The following GALNT16 variants were observed in gnomAD, a reference collection of about 807,000 sequenced individuals.
GALNT16 encodes polypeptide N-acetylgalactosaminyltransferase 16.
A neutral mutation model predicts 76.1 loss-of-function variants in GALNT16; 40 were observed. The observed-to-expected ratio is 0.53, with a 90% CI of 0.41 to 0.68. GALNT16 has a LOEUF of 0.68. Among genes scored for constraint, GALNT16 ranks in the 30% least tolerant of loss-of-function variants. The pLI, the probability that GALNT16 is intolerant of heterozygous loss-of-function variation, is 0.00. For missense variants in GALNT16, 621 were observed against 731.9 expected (o/e 0.85, Z 1.75); for synonymous variants, 276 against 285.2 (o/e 0.97, Z 0.32).
In GALNT16 at chr14:69,275,519, CTA is replaced by C. The variant is rs560259128; in HGVS notation, c.177+15054_177+15055del. Among the ~76,000 whole-genome samples the C allele has an allele frequency of 6.2e-3, 943 of 152,302 alleles. 4 individuals are homozygous for C. Among genetic ancestry groups the C allele is most frequent in the Non-Finnish European group, 9.7e-3 (661 of 68,028 alleles). ...TTCCATATATCATCCTTGGGTGTGTCTATGTGTGTGTGTGCGCATGCGCACAT... is the reference window on the plus strand; with the variant it reads ...TTCCATATATCATCCTTGGGTGTGTCTGTGTGTGTGTGCGCATGCGCACAT... On this transcript the variant is annotated intron_variant, in intron 1 of 14. Transcript: ENST00000448469.
At chr14:69,315,900 T>C (rs71423353) in intron 1 of GALNT16, among the ~76,000 whole-genome samples, 342 of 152,314 alleles carry the variant, frequency 2.2e-3, no homozygotes, top group Non-Finnish European at 3.9e-3. Context: ...TCAGACAAGG[T>C]TTCTCCATGT....
intron 1 of GALNT16, among the ~76,000 whole-genome samples, chr14:69,315,855 C>A (rs1031039200): frequency 1.3e-4 from 20 of 152,072 alleles, no homozygotes; most frequent in African/African-American, 4.8e-4. Flanking sequence ...TACTTTACAT[C>A]TCTTGGTTCT....
chr14:69,341,574 C>T lies in GALNT16; in HGVS notation c.1188-107C>T, dbSNP rs563813250. On this transcript the variant is annotated intron_variant, in intron 11 of 14. Transcript: ENST00000448469. ...ATGGCAGGCTGGAAGTCTCCTGGTC[C>T]TTGCCTGCCTGAGATAGTTGGGGCT... is the stretch of plus-strand genomic sequence containing the variant. 1.8e-5 allele frequency: 13 copies of T among 722,262 alleles called. No homozygotes were observed. In the South Asian group the frequency reaches 1.9e-4, roughly 11 times the overall value. 44.7% of individuals were successfully genotyped at this position (722,262 alleles called of 1,614,324 possible).
chr14:69,382,033 C>A, the GALNT16 span, among the ~76,000 whole-genome samples: 7 of 152,170 alleles, frequency 4.6e-5, no homozygotes, highest in Non-Finnish European at 8.8e-5. Flanking sequence ...AAAAGTGAAG[C>A]AAGTTATTAG....
chr14:69,348,017 C>T lies in GALNT16; in HGVS notation c.1539+15C>T. On this transcript the variant is annotated intron_variant, in intron 14 of 14. Transcript: ENST00000448469. ...AAGGCAAGCAGGTGAGTCTCCTTGC[C>T]TCTGGCCCAGAGGCCCAGCAGCCCG... 3 of 1,613,888 alleles carry T rather than the reference C, an allele frequency of 1.9e-6. No individual in the cohort carries two copies. The highest frequency in any genetic ancestry group is 2.5e-6 in the Non-Finnish European group (3 of 1,179,890).
At position 69,261,723 on chromosome 14, in the gene GALNT16, T is replaced by A. The variant is rs2044276707; in HGVS notation, c.177+1256T>A. Reference sequence around the variant, plus strand: ...GGGAAGTTCATTGGAGAGTGTCCCCTCATATTCCCATCCTGCCCCAGATTC... The same window carrying A: ...GGGAAGTTCATTGGAGAGTGTCCCCACATATTCCCATCCTGCCCCAGATTC... On this transcript the variant is annotated intron_variant, in intron 1 of 14. Coordinates refer to ENST00000448469, the MANE Select transcript of GALNT16 (RefSeq NM_001168368.2). This position sits in a 1 kb window ranked among gnomAD's most constrained non-coding sequence, Gnocchi z 6.4. Among the ~76,000 whole-genome samples the A allele has an allele frequency of 6.6e-6, 1 of 152,004 alleles. No individual in the cohort carries two copies. The highest frequency in any genetic ancestry group is 6.5e-5 in the Admixed American group (1 of 15,272).
intron 1 of GALNT16, among the ~76,000 whole-genome samples, chr14:69,273,612 T>C (rs570160995): frequency 2.0e-5 from 3 of 152,366 alleles, no homozygotes; most frequent in African/African-American, 7.2e-5. Flanking sequence ...TCAGCCACTT[T>C]GAAGAAGCAG....
chr14:69,273,163 A>G (rs1462250455), intron 1 of GALNT16, among the ~76,000 whole-genome samples: 1 of 152,250 alleles, frequency 6.6e-6, no homozygotes, highest in Non-Finnish European at 1.5e-5. Flanking sequence ...ATTAAAAACA[A>G]GGTCAATATT....
intron 1 of GALNT16, among the ~76,000 whole-genome samples, chr14:69,284,780 C>G (rs2044588317): frequency 6.6e-6 from 1 of 152,072 alleles, no homozygotes; most frequent in African/African-American, 2.4e-5. Context: ...TGGGAGGGAC[C>G]TGGTGGGAGG....
intron 1 of GALNT16, among the ~76,000 whole-genome samples, chr14:69,311,389 A>T (rs534751463): frequency 6.6e-6 from 1 of 152,198 alleles, no homozygotes; most frequent in Non-Finnish European, 1.5e-5. Context: ...AAAAGACCTT[A>T]CTTCTTAATA....
At chr14:69,367,498 T>C in the GALNT16 span, among the ~76,000 whole-genome samples, 1 of 152,020 alleles carries the variant, frequency 6.6e-6, no homozygotes, top group East Asian at 1.9e-4. Flanking sequence ...TCCTGGCACC[T>C]GATCTTGGAC....
chr14:69,304,295 A>T (rs2044900654), intron 1 of GALNT16, among the ~76,000 whole-genome samples: 1 of 152,224 alleles, frequency 6.6e-6, no homozygotes, highest in Non-Finnish European at 1.5e-5. Context: ...CTCTTGACAG[A>T]GTTGGAGAGT....
chr14:69,372,843 C>T, the GALNT16 span, among the ~76,000 whole-genome samples: 1 of 152,196 alleles, frequency 6.6e-6, no homozygotes, highest in Admixed American at 6.5e-5. Context: ...TCAGTACCTG[C>T]ACCTTCAAAT....
chr14:69,336,569 C>T (rs909568776), intron 9 of GALNT16, among the ~76,000 whole-genome samples: 2 of 152,172 alleles, frequency 1.3e-5, no homozygotes, highest in African/African-American at 4.8e-5. Flanking sequence ...AGTGACAACT[C>T]CCCTCATCAG....
intron 12 of GALNT16, among the ~76,000 whole-genome samples, 158 bp from the exon 13 acceptor site, chr14:69,346,882 C>T (rs920949567): frequency 1.3e-5 from 2 of 152,198 alleles, no homozygotes; most frequent in African/African-American, 4.8e-5. Flanking sequence ...AGAGGCCACT[C>T]CTGCTCCTCA....
Position 69,324,682 on chromosome 14 carries a change from C to A in GALNT16, c.336-10C>A. 1 of 1,567,230 alleles carries A rather than the reference C, an allele frequency of 6.4e-7. No homozygotes were observed. Among genetic ancestry groups the A allele is most frequent in the Non-Finnish European group, 8.7e-7 (1 of 1,142,958 alleles). On this transcript the variant is annotated splice_polypyrimidine_tract_variant and intron_variant, in intron 2 of 14. Transcript: ENST00000448469. ...CATGGCTGGCTCTGACCTCTGTGCT[C>A]CCTTCTCAGCTGCCCATCTGTGTCC...
At chr14:69,305,805 C>T (rs756465395) in intron 1 of GALNT16, among the ~76,000 whole-genome samples, 2 of 151,902 alleles carry the variant, frequency 1.3e-5, no homozygotes, top group Non-Finnish European at 2.9e-5. Context: ...GTTTTTGTTG[C>T]TTGTGTTTTT....
chr14:69,384,215 T>C, the GALNT16 span, among the ~76,000 whole-genome samples: 1 of 152,302 alleles, frequency 6.6e-6, no homozygotes, highest in African/African-American at 2.4e-5. Flanking sequence ...AGAACATGCT[T>C]GTAATTAAAA....
the GALNT16 span, among the ~76,000 whole-genome samples, chr14:69,373,771 T>C: frequency 1.3e-5 from 2 of 151,948 alleles, no homozygotes; most frequent in African/African-American, 2.4e-5. Context: ...TCTCTCTCTT[T>C]CTCTCTTTCC....
Sources: allele counts gnomAD v4.1 joint callset (sites outside exome capture counted in the v4.1 genomes callset), GRCh38; gene constraint gnomAD v4.1.1; non-coding constraint Gnocchi (gnomAD v3.1); transcripts MANE v1.5; gene names NCBI Gene and HGNC (gene_info 2026-07-23, HGNC 2026-07-21).